The following MTUS1 variants were observed in gnomAD, a reference collection of about 807,000 sequenced individuals.
MTUS1 encodes the protein microtubule-associated tumor suppressor 1.
In MTUS1, 109 loss-of-function variants were observed where a neutral mutation model predicts 120.8. That is an observed-to-expected ratio of 0.90 (90% CI 0.77 to 1.06). The LOEUF is 1.06. Among genes scored for constraint, MTUS1 ranks in the 50% least tolerant of loss-of-function variants. The pLI is 0.00. For synonymous variants in MTUS1, 737 were observed against 550.5 expected (o/e 1.34, Z -4.74); for missense variants, 2,210 against 1,486.3 (o/e 1.49, Z -8.01).
At chr8:17,711,590 T>A (rs893088644) in intron 6 of MTUS1, among the ~76,000 whole-genome samples, 10 of 152,198 alleles carry the variant, frequency 6.6e-5, no homozygotes. Flanking sequence ...ACTCAGACTT[T>A]CTCTCTGCCG....
intron 6 of MTUS1, among the ~76,000 whole-genome samples, chr8:17,697,943 T>C (rs568755383): frequency 3.3e-5 from 5 of 152,362 alleles, no homozygotes; most frequent in Admixed American, 3.3e-4. Flanking sequence ...TCTCTAGATA[T>C]TTTACATGTA....
chr8:17,697,485 G>C, intron 6 of MTUS1: 2 of 1,470,788 alleles, frequency 1.4e-6, no homozygotes, highest in East Asian at 4.8e-5. Flanking sequence ...TACAGTCAGA[G>C]GAAAGATGCC....
intron 8 of MTUS1, among the ~76,000 whole-genome samples, chr8:17,659,244 T>A (rs1360705156): frequency 2.0e-5 from 3 of 152,066 alleles, no homozygotes; most frequent in African/African-American, 4.8e-5. Flanking sequence ...AGGCGCATGA[T>A]GGGGCCTCTA....
At chr8:17,698,090 C>T (rs956717710) in intron 6 of MTUS1, among the ~76,000 whole-genome samples, 1 of 152,014 alleles carries the variant, frequency 6.6e-6, no homozygotes, top group Non-Finnish European at 1.5e-5. Context: ...TAAAGTTCAA[C>T]TTTAATTCCC....
chr8:17,668,330 T>C (rs1177268631), intron 8 of MTUS1, among the ~76,000 whole-genome samples: 1 of 152,180 alleles, frequency 6.6e-6, no homozygotes, highest in Non-Finnish European at 1.5e-5. Flanking sequence ...TGGACACCCC[T>C]GATTTAGATG....
chr8:17,644,444 G>A lies in MTUS1; in HGVS notation c.*1482C>T, dbSNP rs1805418208. The A allele has an allele frequency of 2.6e-5, 4 of 151,546 alleles. No individual in the cohort carries two copies. The highest frequency in any genetic ancestry group is 4.4e-5 in the Non-Finnish European group (3 of 67,974). The allele number at this position is 151,546 out of a possible 1,614,324, so 9.4% of individuals were successfully genotyped here. On this transcript the variant is annotated 3_prime_UTR_variant, in exon 15 of 15. Coordinates refer to ENST00000693296, the MANE Select transcript of MTUS1 (RefSeq NM_001363059.2). Reference sequence around the variant, plus strand: ...CACAATGTTGACACATGCAGGGAGGGGGAGATAAAGCAACAGTTCTTCCTT... The same window carrying A: ...CACAATGTTGACACATGCAGGGAGGAGGAGATAAAGCAACAGTTCTTCCTT...
chr8:17,646,048 G>A lies in MTUS1; in HGVS notation c.3691C>T (p.Leu1231=), dbSNP rs1805711972. Residue 1231 remains leucine, a synonymous_variant, in exon 15 of 15, where the codon CTG becomes TTG. Transcript: ENST00000693296. ...AGGTCCCCATTGTGCAGTTTCCACAGAAGCTCCTCGTTTTCCATAGAGAGT... is the reference window on the plus strand; with the variant it reads ...AGGTCCCCATTGTGCAGTTTCCACAAAAGCTCCTCGTTTTCCATAGAGAGT... The part of the protein sequence containing the change: ...KRLSMENEEL[L]WKLHNGDLCS... 6.2e-7 allele frequency: 1 copy of A among 1,613,724 alleles called. No individual in the cohort carries two copies. Among genetic ancestry groups the A allele is most frequent in the Non-Finnish European group, 8.5e-7 (1 of 1,179,932 alleles).
intron 6 of MTUS1, chr8:17,709,093 C>T (rs376002235): frequency 7.3e-5 from 11 of 151,172 alleles, no homozygotes; most frequent in South Asian, 2.1e-4. Flanking sequence ...GCAGACATCG[C>T]GCCACTGCAC....
intron 8 of MTUS1, among the ~76,000 whole-genome samples, chr8:17,666,540 G>A (rs1810947855): frequency 6.6e-6 from 1 of 152,042 alleles, no homozygotes; most frequent in Non-Finnish European, 1.5e-5. Context: ...AGTGTCAAAG[G>A]GTAGTCCTGG....
chr8:17,704,512 T>C (rs73200181), intron 6 of MTUS1, among the ~76,000 whole-genome samples: 6,459 of 152,298 alleles, frequency 0.042, 160 homozygotes, highest in Middle Eastern at 0.065. Flanking sequence ...TTCCCAGTAC[T>C]ATCTACAAAA....
intron 1 of MTUS1, among the ~76,000 whole-genome samples, chr8:17,767,718 AC>A (rs2049665710): frequency 6.8e-6 from 1 of 147,642 alleles, no homozygotes; most frequent in South Asian, 2.1e-4. Flanking sequence ...AAAAAAAAAA[AC>A]GGTGTGAAAG....
chr8:17,666,684 G>T (rs913791544), intron 8 of MTUS1, among the ~76,000 whole-genome samples: 1 of 152,112 alleles, frequency 6.6e-6, no homozygotes, highest in African/African-American at 2.4e-5. Flanking sequence ...TAATAAGGAA[G>T]AAAAACTGGT....
intron 13 of MTUS1, among the ~76,000 whole-genome samples, chr8:17,647,974 G>A (rs1312196213): frequency 6.6e-6 from 1 of 152,152 alleles, no homozygotes. Context: ...AGCAGCTCAG[G>A]ACAACCTGTT....
At chr8:17,682,547 T>C (rs113898726) in intron 7 of MTUS1, among the ~76,000 whole-genome samples, 14 of 144,062 alleles carry the variant, frequency 9.7e-5, no homozygotes, top group African/African-American at 3.3e-4. Flanking sequence ...AAAGTTGCTA[T>C]CATGATCTAG....
intron 3 of MTUS1, among the ~76,000 whole-genome samples, chr8:17,742,290 T>TG (rs1491157737): frequency 2.0e-5 from 2 of 102,250 alleles, no homozygotes; most frequent in Admixed American, 9.7e-5. Context: ...TTGTTGTTGT[T>TG]GTTTTTTTTT....
At chr8:17,785,479 C>G (rs1324730206) in intron 1 of MTUS1, among the ~76,000 whole-genome samples, 1 of 152,126 alleles carries the variant, frequency 6.6e-6, no homozygotes, top group Non-Finnish European at 1.5e-5. Context: ...GGGATGTCAG[C>G]TTTAATTTTG....
At chr8:17,677,915 C>T (rs973987817) in intron 7 of MTUS1, among the ~76,000 whole-genome samples, 2 of 152,138 alleles carry the variant, frequency 1.3e-5, no homozygotes, top group Admixed American at 1.3e-4. Context: ...ATAGCAGATG[C>T]TGTGAAAATA....
At chr8:17,677,931 G>C (rs566359925) in intron 7 of MTUS1, among the ~76,000 whole-genome samples, 1 of 152,234 alleles carries the variant, frequency 6.6e-6, no homozygotes, top group African/African-American at 2.4e-5. Flanking sequence ...AAATATAAAA[G>C]AAATTTAAGA....
intron 2 of MTUS1, among the ~76,000 whole-genome samples, chr8:17,744,350 C>G (rs1052288595): frequency 3.3e-5 from 5 of 152,140 alleles, no homozygotes; most frequent in African/African-American, 1.2e-4. Context: ...TAATAAGAAC[C>G]TTGGTCTCCA....
Sources: allele counts gnomAD v4.1 joint callset (sites outside exome capture counted in the v4.1 genomes callset), GRCh38; gene constraint gnomAD v4.1.1; transcripts MANE v1.5; gene names NCBI Gene and HGNC (gene_info 2026-07-23, HGNC 2026-07-21).